Variants in MYLK observed in about 807,000 individuals in gnomAD.
MYLK encodes myosin light chain kinase, smooth muscle.
A neutral mutation model predicts 203.4 loss-of-function variants in MYLK; 106 were observed. The observed-to-expected ratio is 0.52, with a 90% CI of 0.45 to 0.61. The LOEUF (loss-of-function observed/expected upper bound fraction) is 0.61. Among genes scored for constraint, MYLK ranks in the 20% least tolerant of loss-of-function variants. MYLK has a pLI of 0.00. For missense variants in MYLK, 2,072 were observed against 2,442.3 expected, an observed-to-expected ratio of 0.85 and a Z score of 3.20; for synonymous variants, 867 against 959.5, an observed-to-expected ratio of 0.90 and a Z score of 1.78.
chr3:123,838,148 A>C (rs2066515842), intron 2 of MYLK, among the ~76,000 whole-genome samples: 1 of 152,172 alleles, frequency 6.6e-6, no homozygotes, highest in African/African-American at 2.4e-5. Flanking sequence ...GTGGCTGAAA[A>C]TCAAAGGGAA....
chr3:123,811,383 A>T (rs1268184112), intron 3 of MYLK, among the ~76,000 whole-genome samples: 2 of 152,318 alleles, frequency 1.3e-5, no homozygotes, highest in Non-Finnish European at 1.5e-5. Flanking sequence ...GGCCTTGAGG[A>T]TATGAGGCTC....
chr3:123,650,580 A>C (rs1361167522), intron 24 of MYLK, among the ~76,000 whole-genome samples: 6 of 152,178 alleles, frequency 3.9e-5, no homozygotes, highest in Non-Finnish European at 8.8e-5. Flanking sequence ...ATTGGAAAGT[A>C]TATTTTATCA....
intron 13 of MYLK, among the ~76,000 whole-genome samples, chr3:123,719,909 A>G (rs1285213485): frequency 6.6e-6 from 1 of 152,218 alleles, no homozygotes; most frequent in African/African-American, 2.4e-5. Context: ...AGCAGAGGAC[A>G]GCGCAGGGAG....
At chr3:123,803,072 CG>C (rs1354172498) in intron 3 of MYLK, among the ~76,000 whole-genome samples, 1 of 152,112 alleles carries the variant, frequency 6.6e-6, no homozygotes, top group Admixed American at 6.5e-5. Context: ...CCCAGGAAAT[CG>C]ACTCAGGGAA....
chr3:123,849,885 C>T (rs2148664210), intron 2 of MYLK, among the ~76,000 whole-genome samples: 1 of 152,172 alleles, frequency 6.6e-6, no homozygotes, highest in South Asian at 2.1e-4. Context: ...TAATGCTATC[C>T]CTCTCCCCTC....
intron 4 of MYLK, among the ~76,000 whole-genome samples, chr3:123,753,592 G>T (rs1488527673): frequency 3.9e-5 from 6 of 151,934 alleles, no homozygotes; most frequent in Admixed American, 2.6e-4. Context: ...TCTCAAAAGA[G>T]GGGAAAATGC....
Position 123,640,572 on chromosome 3 carries a change from G to T in MYLK, c.4620-68C>A. The T allele has an allele frequency of 6.5e-7, 1 of 1,548,776 alleles. No homozygotes were observed. The highest frequency in any genetic ancestry group is 8.9e-7 in the Non-Finnish European group (1 of 1,124,038). ...GGAGGCCAGGCTGGCAGGGAGTCTG[G>T]CCAGGGTAGGCTGGGGGTAGGAGAA... On this transcript the variant is annotated intron_variant, in intron 27 of 33. Transcript: ENST00000360304. This position sits in a 1 kb window ranked among gnomAD's most constrained non-coding sequence, Gnocchi z 4.3.
chr3:123,779,869 A>T (rs2064226435), intron 4 of MYLK, among the ~76,000 whole-genome samples: 1 of 152,158 alleles, frequency 6.6e-6, no homozygotes, highest in East Asian at 1.9e-4. Context: ...ACATGCCAGC[A>T]CTCAAGGTTG....
At chr3:123,856,098 T>A (rs2031344824) in intron 2 of MYLK, among the ~76,000 whole-genome samples, 1 of 152,184 alleles carries the variant, frequency 6.6e-6, no homozygotes, top group Non-Finnish European at 1.5e-5. Flanking sequence ...GAGTCCCCAG[T>A]GTTTGTGATG....
At chr3:123,859,978 C>CTT (rs2031752154) in intron 2 of MYLK, among the ~76,000 whole-genome samples, 1 of 150,064 alleles carries the variant, frequency 6.7e-6, no homozygotes, top group Non-Finnish European at 1.5e-5. Context: ...AAAAAAAAAA[C>CTT]TCCCCCTCAG....
At position 123,733,709 on chromosome 3, in the gene MYLK, T is replaced by G; in HGVS notation, c.1287A>C (p.Gln429His). 1 of 1,614,162 alleles carries G rather than the reference T, an allele frequency of 6.2e-7. No homozygotes were observed. Among genetic ancestry groups the G allele is most frequent in the Non-Finnish European group, 8.5e-7 (1 of 1,180,030 alleles). ...CACCTTCACATCTGAACTTGACAGT[T>G]TGATTTTCCTTGACCTCCTGGCTTT... is the stretch of plus-strand genomic sequence containing the variant. ...KPQSQEVKEN[Q>H]TVKFRCEVSG... Residue 429 changes from glutamine to histidine, a missense_variant, in exon 10 of 34, where the codon CAA becomes CAC. This residue lies in a region of MYLK where 683 missense variants were observed against 643.8 expected (regional missense o/e 1.06). Coordinates refer to ENST00000360304, the MANE Select transcript of MYLK (RefSeq NM_053025.4).
intron 4 of MYLK, among the ~76,000 whole-genome samples, chr3:123,760,190 A>ATGTATGTG (rs565472186): frequency 6.6e-6 from 1 of 152,014 alleles, no homozygotes; most frequent in African/African-American, 2.4e-5. Context: ...GTATGTATGT[A>ATGTATGTG]TTTATGAGAC....
Position 123,664,202 on chromosome 3 carries a change from G to A in MYLK, c.3888C>T (p.Thr1296=), listed in dbSNP as rs1359661867. ...AGTGCTCCTGGCGCGCGGCCAGGAT[G>A]GTGAGCTTGCTGCCATTCTCGCTGT... ...VENSENGSKL[T]ILAARQEHCG... is the part of the protein sequence containing the mutation. The change falls in exon 23 of 34, where the codon ACC becomes ACT. Residue 1296 remains threonine (T), a synonymous_variant. Transcript: ENST00000360304. 2 of 1,614,070 alleles carry A rather than the reference G, an allele frequency of 1.2e-6. No individual in the cohort carries two copies. The highest frequency in any genetic ancestry group is 1.3e-5 in the African/African-American group (1 of 74,930).
intron 2 of MYLK, among the ~76,000 whole-genome samples, chr3:123,837,105 C>T (rs770153141): frequency 7.9e-5 from 12 of 152,144 alleles, no homozygotes; most frequent in Non-Finnish European, 1.6e-4. Context: ...AATGGTGCAG[C>T]TCACTGCAAC....
At chr3:123,808,147 G>A (rs1438958628) in intron 3 of MYLK, among the ~76,000 whole-genome samples, 1 of 152,178 alleles carries the variant, frequency 6.6e-6, no homozygotes, top group East Asian at 1.9e-4. Flanking sequence ...ACCCTTCACT[G>A]CAGAGGGCTG....
chr3:123,757,829 A>AC (rs2063406144), intron 4 of MYLK, among the ~76,000 whole-genome samples: 2 of 152,166 alleles, frequency 1.3e-5, no homozygotes, highest in Admixed American at 1.3e-4. Context: ...TGTATTCATG[A>AC]TTGTTGCCTG....
chr3:123,684,104 T>C (rs1314240700), intron 19 of MYLK, among the ~76,000 whole-genome samples: 1 of 152,164 alleles, frequency 6.6e-6, no homozygotes, highest in Non-Finnish European at 1.5e-5. Flanking sequence ...AGGATCGTGG[T>C]CATTCTCAGC....
chr3:123,861,226 C>A (rs2031880156), intron 2 of MYLK, among the ~76,000 whole-genome samples: 2 of 152,300 alleles, frequency 1.3e-5, no homozygotes, highest in South Asian at 4.1e-4. Context: ...CTCCTTCCTG[C>A]TCTATATTTG....
At chr3:123,620,158 T>A in intron 32 of MYLK, 49 bp downstream of exon 32, 1 of 1,530,316 alleles carries the variant, frequency 6.5e-7, no homozygotes, top group Non-Finnish European at 9.1e-7. Flanking sequence ...GCCCCTTTGT[T>A]CCCCAGCCCT....
Sources: allele counts gnomAD v4.1 joint callset (sites outside exome capture counted in the v4.1 genomes callset), GRCh38; gene constraint gnomAD v4.1.1; regional missense constraint gnomAD v4.1.1; non-coding constraint Gnocchi (gnomAD v3.1); transcripts MANE v1.5; gene names NCBI Gene and HGNC (gene_info 2026-07-23, HGNC 2026-07-21).